Variants in RIC3 observed in about 807,000 individuals in gnomAD.
RIC3 encodes protein RIC-3.
A neutral mutation model predicts 27.3 loss-of-function variants in RIC3; 28 were observed. That is an observed-to-expected ratio of 1.02 (90% confidence interval 0.76 to 1.41). The LOEUF (loss-of-function observed/expected upper bound fraction) is 1.41, where lower values mean the gene tolerates loss of function less well. Ranked by LOEUF, RIC3 falls within the 40% of genes most tolerant of loss-of-function variation. The pLI is 0.00. For synonymous variants in RIC3, 184 were observed against 160.4 expected (o/e 1.15, Z -1.11); for missense variants, 501 against 444.7 (o/e 1.13, Z -1.14).
At chr11:8,154,772 T>A (rs1950527412) in intron 1 of RIC3, among the ~76,000 whole-genome samples, 1 of 152,192 alleles carries the variant, frequency 6.6e-6, no homozygotes. Flanking sequence ...TTTGCTTTAT[T>A]AAAAACAGCT....
chr11:8,110,716 G>T lies in RIC3; in HGVS notation c.1092C>A (p.Asn364Lys). Residue 364 changes from asparagine to lysine, a missense_variant, in exon 6 of 6, where the codon AAC (asparagine) becomes AAA (lysine). Asn to Lys is a moderately conservative substitution (Grantham distance 94, BLOSUM62 0). Coordinates refer to ENST00000309737, the MANE Select transcript of RIC3 (RefSeq NM_001206671.4). Reference sequence around the variant, plus strand: ...GCTGTTTTCACTCTAAACCCTGGGGGTTACGCTTCCTCAGCATGCTGCCTG... The same window carrying T: ...GCTGTTTTCACTCTAAACCCTGGGGTTTACGCTTCCTCAGCATGCTGCCTG... ...AYTGSMLRKR[N>K]PQGLE The T allele has an allele frequency of 1.2e-6, 2 of 1,614,166 alleles. No individual in the cohort carries two copies. The highest frequency in any genetic ancestry group is 8.5e-7 in the Non-Finnish European group (1 of 1,180,008).
intron 1 of RIC3, among the ~76,000 whole-genome samples, chr11:8,164,730 A>T (rs1213516288): frequency 1.4e-5 from 2 of 144,378 alleles, no homozygotes; most frequent in Non-Finnish European, 3.0e-5. Flanking sequence ...GTGAGCAATG[A>T]TGGCACCACT....
chr11:8,148,473 TG>T (rs1259901018), intron 1 of RIC3, among the ~76,000 whole-genome samples: 2 of 152,208 alleles, frequency 1.3e-5, no homozygotes, highest in Non-Finnish European at 2.9e-5. Flanking sequence ...ATCTAATATT[TG>T]TAGTATTATG....
chr11:8,136,396 A>C (rs1948426982), intron 4 of RIC3, among the ~76,000 whole-genome samples: 1 of 152,168 alleles, frequency 6.6e-6, no homozygotes, highest in Non-Finnish European at 1.5e-5. Flanking sequence ...CACTCCCCCT[A>C]ATATTCTTCC....
rs1369367170 is a variant in RIC3 at position 8,109,970 on chromosome 11, T to C, written c.*728A>G. The C allele has an allele frequency of 6.5e-6, 1 of 152,876 alleles. No individual in the cohort carries two copies. Among genetic ancestry groups the C allele is most frequent in the Non-Finnish European group, 1.5e-5 (1 of 68,602 alleles). 9.5% of individuals were successfully genotyped at this position (152,876 alleles called of 1,614,324 possible). On this transcript the variant is annotated 3_prime_UTR_variant, in exon 6 of 6. Transcript: ENST00000309737. ...AAAACCAGGAGTGCAAAGGTACTTC[T>C]GGGCTTGGCAGTTCTGTTAAGCAGA...
At chr11:8,120,909 GCC>G (rs1332503748) in intron 5 of RIC3, among the ~76,000 whole-genome samples, 26 of 151,986 alleles carry the variant, frequency 1.7e-4, no homozygotes, top group Non-Finnish European at 3.4e-4. Context: ...TTTATACCCA[GCC>G]AAACAATTTG....
chr11:8,098,966 A>G, the RIC3 span: 1 of 954,984 alleles, frequency 1.0e-6, no homozygotes, highest in African/African-American at 1.6e-5. Context: ...CATCCATCTT[A>G]GTGGGTAGAC....
downstream of RIC3, chr11:8,104,960 TAGC>T (rs1025818622): frequency 7.5e-5 from 10 of 133,684 alleles, no homozygotes; most frequent in African/African-American, 1.4e-4. Context: ...ATTCTGAAAA[TAGC>T]AGGACATTTA....
intron 4 of RIC3, among the ~76,000 whole-genome samples, chr11:8,127,327 G>A (rs1947105303): frequency 6.6e-6 from 1 of 152,182 alleles, no homozygotes; most frequent in Admixed American, 6.5e-5. Context: ...TCAGAGGTGG[G>A]TGATTTTGAA....
the RIC3 span, among the ~76,000 whole-genome samples, chr11:8,097,066 G>T: frequency 6.6e-6 from 1 of 152,094 alleles, no homozygotes; most frequent in Admixed American, 6.5e-5. Flanking sequence ...GGCAGGGCTG[G>T]GAAGATAGCT....
chr11:8,128,123 T>C (rs1776876407), intron 4 of RIC3: 1 of 452,410 alleles, frequency 2.2e-6, no homozygotes, highest in Non-Finnish European at 4.4e-6. Context: ...GTCCTGACTC[T>C]CCACAACTGC....
intron 4 of RIC3, among the ~76,000 whole-genome samples, chr11:8,137,115 C>T (rs1261423234): frequency 6.6e-6 from 1 of 152,204 alleles, no homozygotes; most frequent in Non-Finnish European, 1.5e-5. Context: ...ACCTCCGCCT[C>T]CCAGGTTCAA....
the RIC3 span, chr11:8,100,793 C>T: frequency 1.2e-6 from 2 of 1,610,784 alleles, no homozygotes; most frequent in Admixed American, 1.7e-5. Context: ...TGCCAAAGGC[C>T]TGGGCCTGGC....
intron 5 of RIC3, among the ~76,000 whole-genome samples, chr11:8,123,477 TA>T: frequency 6.6e-6 from 1 of 152,100 alleles, no homozygotes; most frequent in Non-Finnish European, 1.5e-5. Context: ...ACAAGGATGA[TA>T]AACCTCTGGG....
intron 1 of RIC3, among the ~76,000 whole-genome samples, chr11:8,145,980 T>C (rs1949637306): frequency 6.6e-6 from 1 of 152,198 alleles, no homozygotes; most frequent in Admixed American, 6.5e-5. Context: ...CTGTACTTCG[T>C]GATATTACAT....
the RIC3 span, chr11:8,100,619 C>G: frequency 2.7e-4 from 437 of 1,608,008 alleles, no homozygotes; most frequent in Non-Finnish European, 3.5e-4. Flanking sequence ...TCTACCCCTT[C>G]CTCCCCTCTT....
chr11:8,097,853 C>T, the RIC3 span: 186 of 1,543,892 alleles, frequency 1.2e-4, no homozygotes, highest in African/African-American at 7.9e-4. Flanking sequence ...AGGAAGCAGG[C>T]GGGAGTGGGA....
chr11:8,098,645 C>A, the RIC3 span: 1 of 767,702 alleles, frequency 1.3e-6, no homozygotes, highest in Non-Finnish European at 2.2e-6. Flanking sequence ...CCTGGGCCTG[C>A]TCCTGTTCCA....
Position 8,168,907 on chromosome 11 carries a change from A to G in RIC3, c.83T>C (p.Leu28Pro). 1 of 1,612,032 alleles carries G rather than the reference A, an allele frequency of 6.2e-7. No homozygotes were observed. The highest frequency in any genetic ancestry group is 8.5e-7 in the Non-Finnish European group (1 of 1,179,108). The change falls in exon 1 of 6, where the codon CTG becomes CCG. Residue 28 changes from leucine (L) to proline (P), a missense_variant. Physicochemically the swap from Leu to Pro is moderately conservative, Grantham distance 98 (BLOSUM62 -3). Transcript: ENST00000309737. ...CGGCTCCTGCCGCTTCCCGCGGGAC[A>G]GGAAGGCCTTGGGCAGCAGCAGCGA... ...ALSLLLPKAF[L>P]SRGKRQEPPP... is the part of the protein sequence containing the mutation.
Sources: gnomAD v4.1 joint callset for allele counts (sites outside exome capture counted in the v4.1 genomes callset) on GRCh38, gnomAD v4.1.1 for gene constraint, MANE v1.5 for transcripts, NCBI Gene and HGNC (gene_info 2026-07-23, HGNC 2026-07-21) for gene names.